Variants in LYPLAL1 observed in about 807,000 individuals in gnomAD.
LYPLAL1 encodes the protein lysophospholipase-like protein 1.
LYPLAL1 carries 23 observed loss-of-function variants against 19.7 expected under a neutral mutation model. That is an observed-to-expected ratio of 1.17 (90% confidence interval 0.84 to 1.65). The LOEUF (loss-of-function observed/expected upper bound fraction) is 1.65. Ranked by LOEUF, LYPLAL1 falls within the 40% of genes most tolerant of loss-of-function variation. The pLI is 0.00. For synonymous variants in LYPLAL1, 119 were observed against 96.3 expected, an observed-to-expected ratio of 1.24 and a Z score of -1.38; for missense variants, 355 against 279.4, an observed-to-expected ratio of 1.27 and a Z score of -1.93.
In LYPLAL1 at chr1:219,193,066, G is replaced by GGT. The variant is rs2125065829; in HGVS notation, c.192-15_192-14insTG. The stretch of plus-strand genomic sequence containing the variant: ...TTTCCTTTCTTTTTTTTTGGGGGGG[G>GGT]GCGGTTGTTAAACAGATCATATACT... On this transcript the variant is annotated splice_polypyrimidine_tract_variant and intron_variant, in intron 2 of 4. Coordinates refer to ENST00000366928, the MANE Select transcript of LYPLAL1 (RefSeq NM_138794.5). 7.9e-6 allele frequency: 12 copies of GGT among 1,519,552 alleles called. No individual in the cohort carries two copies. Among genetic ancestry groups the GGT allele is most frequent in the Non-Finnish European group, 1.1e-5 (12 of 1,127,340 alleles). The allele number at this position is 1,519,552 out of a possible 1,614,324, so 94.1% of individuals were successfully genotyped here.
chr1:219,297,781 G>T, the LYPLAL1 span, among the ~76,000 whole-genome samples: 6 of 152,162 alleles, frequency 3.9e-5, no homozygotes, highest in Non-Finnish European at 5.9e-5. Context: ...GCGATAAAGA[G>T]GGTAGAAGGA....
chr1:219,328,412 C>T, the LYPLAL1 span, among the ~76,000 whole-genome samples: 1 of 152,202 alleles, frequency 6.6e-6, no homozygotes, highest in Non-Finnish European at 1.5e-5. Flanking sequence ...GGTTGTTCTA[C>T]ATTCTGATCT....
chr1:219,381,016 T>C, the LYPLAL1 span, among the ~76,000 whole-genome samples: 2 of 152,150 alleles, frequency 1.3e-5, no homozygotes, highest in Non-Finnish European at 2.9e-5. Context: ...CTGTAGAAGA[T>C]GAAGACATGA....
chr1:219,427,639 A>G, the LYPLAL1 span, among the ~76,000 whole-genome samples: 1 of 152,234 alleles, frequency 6.6e-6, no homozygotes, highest in Admixed American at 6.5e-5. Context: ...GCATGGTTGG[A>G]GGAGGACCTC....
chr1:219,230,736 C>T, the LYPLAL1 span, among the ~76,000 whole-genome samples: 2 of 152,306 alleles, frequency 1.3e-5, no homozygotes, highest in East Asian at 3.9e-4. Context: ...TATCTAAATG[C>T]TCAGTGAATA....
intron 4 of LYPLAL1, among the ~76,000 whole-genome samples, chr1:219,210,931 A>G (rs1168112296): frequency 6.6e-6 from 1 of 152,160 alleles, no homozygotes; most frequent in South Asian, 2.1e-4. Flanking sequence ...TGTAAATTTT[A>G]TACATATTAA....
chr1:219,272,882 C>T, the LYPLAL1 span: 1 of 151,430 alleles, frequency 6.6e-6, no homozygotes, highest in Non-Finnish European at 1.5e-5. Flanking sequence ...TCAAAAACAT[C>T]CAGTTTTCCA....
chr1:219,314,323 C>A, the LYPLAL1 span, among the ~76,000 whole-genome samples: 2 of 152,202 alleles, frequency 1.3e-5, no homozygotes, highest in Non-Finnish European at 1.5e-5. Flanking sequence ...AATTTATATT[C>A]CTTTGGGCAT....
At chr1:219,440,251 ATT>A in the LYPLAL1 span, among the ~76,000 whole-genome samples, 1 of 151,994 alleles carries the variant, frequency 6.6e-6, no homozygotes, top group African/African-American at 2.4e-5. Context: ...CTTAAATTTG[ATT>A]TTGAAGTATT....
downstream of LYPLAL1, among the ~76,000 whole-genome samples, chr1:219,215,317 A>C (rs1022649405): frequency 3.9e-5 from 6 of 152,054 alleles, no homozygotes; most frequent in Non-Finnish European, 4.4e-5. Flanking sequence ...ATTTCGGACA[A>C]TAAATTTTCT....
the LYPLAL1 span, among the ~76,000 whole-genome samples, chr1:219,302,230 A>G: frequency 1.3e-5 from 2 of 152,292 alleles, no homozygotes; most frequent in South Asian, 4.1e-4. Context: ...AATAACTGTT[A>G]ACTGATCTTG....
the LYPLAL1 span, among the ~76,000 whole-genome samples, chr1:219,349,752 C>T: frequency 1.3e-5 from 2 of 152,214 alleles, no homozygotes; most frequent in African/African-American, 2.4e-5. Context: ...CAAAATGGTA[C>T]ATTGGATAAA....
chr1:219,370,473 G>A, the LYPLAL1 span, among the ~76,000 whole-genome samples: 1 of 152,114 alleles, frequency 6.6e-6, no homozygotes, highest in Non-Finnish European at 1.5e-5. Flanking sequence ...TACAAAATTG[G>A]AGACAGGAAG....
At chr1:219,345,184 TTTATCA>T in the LYPLAL1 span, among the ~76,000 whole-genome samples, 30 of 152,214 alleles carry the variant, frequency 2.0e-4, no homozygotes, top group Admixed American at 4.6e-4. Context: ...CCATCACTTG[TTTATCA>T]TTATTATATG....
At chr1:219,330,383 T>G in the LYPLAL1 span, among the ~76,000 whole-genome samples, 1 of 152,170 alleles carries the variant, frequency 6.6e-6, no homozygotes, top group Non-Finnish European at 1.5e-5. Flanking sequence ...CTTTATGAAA[T>G]AATCATCTTC....
the LYPLAL1 span, among the ~76,000 whole-genome samples, chr1:219,270,306 C>G: frequency 6.6e-6 from 1 of 152,226 alleles, no homozygotes; most frequent in Non-Finnish European, 1.5e-5. Context: ...GAGAAGTGCT[C>G]TCTCTGCTGA....
At chr1:219,234,341 TAACTCTTATTCATA>T in the LYPLAL1 span, among the ~76,000 whole-genome samples, 18 of 152,200 alleles carry the variant, frequency 1.2e-4, no homozygotes, top group African/African-American at 4.3e-4. Context: ...TTAATGAATG[TAACTCTTATTCATA>T]AGCTATTGAA....
chr1:219,375,074 G>A, the LYPLAL1 span, among the ~76,000 whole-genome samples: 5 of 152,304 alleles, frequency 3.3e-5, no homozygotes, highest in South Asian at 1.0e-3. Context: ...GCTGTTCAAG[G>A]AAAGTAATGC....
chr1:219,356,990 GT>G, the LYPLAL1 span, among the ~76,000 whole-genome samples: 1 of 152,092 alleles, frequency 6.6e-6, no homozygotes, highest in East Asian at 1.9e-4. Flanking sequence ...ATCAGCAAAG[GT>G]CTTTAAGAAG....
Sources: gnomAD v4.1 joint callset for allele counts (sites outside exome capture counted in the v4.1 genomes callset) on GRCh38, gnomAD v4.1.1 for gene constraint, MANE v1.5 for transcripts, NCBI Gene and HGNC (gene_info 2026-07-23, HGNC 2026-07-21) for gene names.